Variants in FGF2 observed in about 807,000 individuals in gnomAD.
FGF2 encodes basic fibroblast growth factor bFGF.
In FGF2, 13 loss-of-function variants were observed where a neutral mutation model predicts 15.9. The observed-to-expected ratio is 0.82, with a 90% CI of 0.53 to 1.30. FGF2 has a LOEUF of 1.30. Ranked by LOEUF, FGF2 falls within the 50% of genes most tolerant of loss-of-function variation. The pLI, the probability that FGF2 is intolerant of heterozygous loss-of-function variation, is 0.00. For synonymous variants in FGF2, 90 were observed against 78.4 expected (o/e 1.15, Z -0.78); for missense variants, 163 against 196.9 (o/e 0.83, Z 1.03).
intron 1 of FGF2, among the ~76,000 whole-genome samples, chr4:122,851,259 A>G (rs1726226057): frequency 6.6e-6 from 1 of 152,162 alleles, no homozygotes; most frequent in African/African-American, 2.4e-5. Context: ...AGGCAAAACA[A>G]TTTACCAACC....
intron 2 of FGF2, among the ~76,000 whole-genome samples, chr4:122,890,270 A>C (rs1727140330): frequency 6.6e-6 from 1 of 152,192 alleles, no homozygotes; most frequent in Non-Finnish European, 1.5e-5. Context: ...TTTCACTCTT[A>C]TCACATTTGA....
intron 2 of FGF2, among the ~76,000 whole-genome samples, chr4:122,888,470 A>G (rs1425481719): frequency 6.6e-6 from 1 of 152,202 alleles, no homozygotes; most frequent in Non-Finnish European, 1.5e-5. Context: ...TTCTTAGAAT[A>G]AGAGCCAAAT....
intron 1 of FGF2, among the ~76,000 whole-genome samples, chr4:122,847,778 T>G (rs1726147153): frequency 6.6e-6 from 1 of 152,150 alleles, no homozygotes; most frequent in Non-Finnish European, 1.5e-5. Context: ...AATGTTGTGG[T>G]TCAAGACCAA....
At chr4:122,871,781 C>CAAAAAA (rs55677162) in intron 1 of FGF2, among the ~76,000 whole-genome samples, 1 of 94,310 alleles carries the variant, frequency 1.1e-5, no homozygotes, top group Admixed American at 1.2e-4. Context: ...CATTGAAAGA[C>CAAAAAA]AAAAAAAAAA....
At chr4:122,848,307 C>T (rs1487592810) in intron 1 of FGF2, among the ~76,000 whole-genome samples, 2 of 152,192 alleles carry the variant, frequency 1.3e-5, no homozygotes, top group South Asian at 2.1e-4. Context: ...CTTCTGGTTT[C>T]TCTTGTCTTT....
chr4:122,829,527 C>T (rs1365334724), intron 1 of FGF2, among the ~76,000 whole-genome samples: 2 of 152,152 alleles, frequency 1.3e-5, no homozygotes, highest in Non-Finnish European at 2.9e-5. Flanking sequence ...ATAACTCATC[C>T]AGACTTGTGG....
rs138450017 is a variant in FGF2, at chr4:122,830,023, T to C, written c.178+2671T>C. The stretch of plus-strand genomic sequence containing the variant: ...TAGACCTGTTTGAAAAGTTGAAAAA[T>C]CTATGGTCTCATTCCTCAGACTGTT... On this transcript the variant is annotated intron_variant, in intron 1 of 2. Coordinates refer to ENST00000644866, the MANE Select transcript of FGF2 (RefSeq NM_001361665.2). Among the ~76,000 whole-genome samples the C allele has an allele frequency of 6.6e-5, 10 of 152,268 alleles. No individual in the cohort carries two copies. In the East Asian group the frequency reaches 1.9e-3, roughly 29 times the overall value.
intron 1 of FGF2, among the ~76,000 whole-genome samples, chr4:122,865,035 T>C (rs1024029647): frequency 6.6e-5 from 10 of 152,214 alleles, no homozygotes; most frequent in Non-Finnish European, 1.5e-4. Flanking sequence ...GATTGTTTCC[T>C]ACTAATCTGT....
chr4:122,896,496 C>T lies in FGF2; in HGVS notation c.*4100C>T, dbSNP rs1727360472. The T allele has an allele frequency of 6.6e-6, 1 of 152,140 alleles. No individual in the cohort carries two copies. The highest frequency in any genetic ancestry group is 2.4e-5 in the African/African-American group (1 of 41,428). The allele number at this position is 152,140 out of a possible 1,614,324, so 9.4% of individuals were successfully genotyped here. ...AATTAGCTCACATGCTCTGCTCTCA[C>T]GTGGCACCAGTGGATAGTGTGAGAG... On this transcript the variant is annotated 3_prime_UTR_variant, in exon 3 of 3. Coordinates refer to ENST00000644866, the MANE Select transcript of FGF2 (RefSeq NM_001361665.2).
chr4:122,857,937 T>G (rs1726374417), intron 1 of FGF2, among the ~76,000 whole-genome samples: 1 of 152,208 alleles, frequency 6.6e-6, no homozygotes, highest in Non-Finnish European at 1.5e-5. Flanking sequence ...TTTATGGCTA[T>G]AAGAGTTGAT....
At chr4:122,833,724 C>T (rs935026291) in intron 1 of FGF2, among the ~76,000 whole-genome samples, 4 of 152,098 alleles carry the variant, frequency 2.6e-5, no homozygotes, top group Non-Finnish European at 5.9e-5. Flanking sequence ...ACTCATGAGG[C>T]ATATGCTGTA....
chr4:122,847,639 AT>A (rs1560741681), intron 1 of FGF2, among the ~76,000 whole-genome samples: 125 of 135,640 alleles, frequency 9.2e-4, no homozygotes, highest in African/African-American at 3.9e-3. Flanking sequence ...CTATCTATCT[AT>A]CTGTCTATCT....
rs889581534 is a variant in FGF2 at position 122,827,582 on chromosome 4, T to A, written c.178+230T>A. Among the ~76,000 whole-genome samples, 2 of 151,984 alleles carry A rather than the reference T, an allele frequency of 1.3e-5. No homozygotes were observed. The highest frequency in any genetic ancestry group is 2.9e-5 in the Non-Finnish European group (2 of 67,972). Reference sequence around the variant, plus strand: ...GGCTTTGGGGTGTGCCAATTTGCCCTGTAAACCAGTACCCCCGGCCCGGAG... The same window carrying A: ...GGCTTTGGGGTGTGCCAATTTGCCCAGTAAACCAGTACCCCCGGCCCGGAG... On this transcript the variant is annotated intron_variant, in intron 1 of 2. Coordinates refer to ENST00000644866, the MANE Select transcript of FGF2 (RefSeq NM_001361665.2). This position sits in a 1 kb window ranked among gnomAD's most constrained non-coding sequence, Gnocchi z 4.2.
intron 1 of FGF2, 33 bp from the exon 2 acceptor site, chr4:122,876,288 G>T: frequency 1.6e-6 from 2 of 1,250,826 alleles, no homozygotes; most frequent in South Asian, 1.2e-5. Context: ...TTCCTCTGTG[G>T]TGCTACAAAG....
At chr4:122,858,428 C>T (rs1432215639) in intron 1 of FGF2, among the ~76,000 whole-genome samples, 2 of 151,476 alleles carry the variant, frequency 1.3e-5, no homozygotes, top group East Asian at 1.9e-4. Flanking sequence ...GACAGAGTCT[C>T]GATCTGTCAC....
At position 122,895,702 on chromosome 4, in the gene FGF2, A is replaced by G. The variant is rs1727330533; in HGVS notation, c.*3306A>G. 6.6e-6 allele frequency: 1 copy of G among 152,138 alleles called. No individual in the cohort carries two copies. Among genetic ancestry groups the G allele is most frequent in the East Asian group, 1.9e-4 (1 of 5,196 alleles). 9.4% of individuals were successfully genotyped at this position (152,138 alleles called of 1,614,324 possible). A position where few individuals can be genotyped will look rare whatever the true frequency, so the allele number is the denominator to read the frequency against. ...AGGATTGCATTCTATTTTCTATATG[A>G]CCCTCTTGATATTTAAAAAACACTA... On this transcript the variant is annotated 3_prime_UTR_variant, in exon 3 of 3. Coordinates refer to ENST00000644866, the MANE Select transcript of FGF2 (RefSeq NM_001361665.2).
chr4:122,833,703 G>A (rs1251001084), intron 1 of FGF2, among the ~76,000 whole-genome samples: 1 of 152,160 alleles, frequency 6.6e-6, no homozygotes, highest in East Asian at 1.9e-4. Flanking sequence ...GGAACTTGCT[G>A]TGAAATAACT....
chr4:122,873,868 A>G (rs1189289607), intron 1 of FGF2, among the ~76,000 whole-genome samples: 1 of 152,162 alleles, frequency 6.6e-6, no homozygotes, highest in Non-Finnish European at 1.5e-5. Flanking sequence ...TGTAATGCTT[A>G]TTGCTTAGTG....
intron 1 of FGF2, among the ~76,000 whole-genome samples, chr4:122,869,287 T>G (rs193295363): frequency 6.6e-6 from 1 of 152,362 alleles, no homozygotes; most frequent in African/African-American, 2.4e-5. Flanking sequence ...CTAGCTTTGT[T>G]CTTTTTGCTT....
Sources: gnomAD v4.1 joint callset for allele counts (sites outside exome capture counted in the v4.1 genomes callset) on GRCh38, gnomAD v4.1.1 for gene constraint, Gnocchi (gnomAD v3.1) non-coding constraint, MANE v1.5 for transcripts, NCBI Gene and HGNC (gene_info 2026-07-23, HGNC 2026-07-21) for gene names.